FRA10AC1: variants seen among roughly 807,000 people sequenced by gnomAD.
FRA10AC1 encodes protein FRA10AC1.
FRA10AC1 carries 43 observed loss-of-function variants against 56.5 expected under a neutral mutation model. The observed-to-expected ratio is 0.76, with a 90% confidence interval of 0.60 to 0.98. The LOEUF (loss-of-function observed/expected upper bound fraction) is 0.98, where lower values mean the gene tolerates loss of function less well. Among genes scored for constraint, FRA10AC1 ranks in the 50% least tolerant of loss-of-function variants. FRA10AC1 has a pLI of 0.00. For synonymous variants in FRA10AC1, 112 were observed against 110.5 expected (o/e 1.01, Z -0.09); for missense variants, 346 against 351.8 (o/e 0.98, Z 0.13).
intron 5 of FRA10AC1, 113 bp from the exon 6 acceptor site, chr10:93,692,842 T>G: frequency 3.5e-6 from 2 of 567,714 alleles, no homozygotes. Flanking sequence ...ATGAAGATAG[T>G]TTTTTGGTGA....
At position 93,693,687 on chromosome 10, in the gene FRA10AC1, T is replaced by C. The variant is rs954057414; in HGVS notation, c.297-958A>G. Among the ~76,000 whole-genome samples the C allele has an allele frequency of 5.4e-4, 70 of 130,526 alleles. 2 individuals carry two copies. The highest frequency in any genetic ancestry group is 1.6e-3 in the African/African-American group (63 of 38,690). 85.6% of individuals were successfully genotyped at this position (130,526 alleles called of 152,430 possible). The stretch of plus-strand genomic sequence containing the variant: ...TATATATACACCATATATATATATA[T>C]ATACCATATATATATACACACACCA... On this transcript the variant is annotated intron_variant, in intron 5 of 13. Coordinates refer to ENST00000359204, the MANE Select transcript of FRA10AC1 (RefSeq NM_145246.5).
chr10:93,692,598 A>C, intron 6 of FRA10AC1, 48 bp downstream of exon 6: 1 of 1,196,906 alleles, frequency 8.4e-7, no homozygotes, highest in African/African-American at 1.5e-5. Flanking sequence ...AAAACAGGAG[A>C]AACAGGACTA....
intron 11 of FRA10AC1, among the ~76,000 whole-genome samples, chr10:93,677,539 T>C (rs2058863387): frequency 6.6e-6 from 1 of 152,208 alleles, no homozygotes; most frequent in Admixed American, 6.5e-5. Context: ...AGGCTTAATT[T>C]GGAGGCCCAA....
Position 93,676,658 on chromosome 10 carries a change from A to G in FRA10AC1, c.821T>C (p.Leu274Pro), listed in dbSNP as rs767124356. ...AATAAACACTTGTTACTTACTAAGT[A>G]GAGAATCTTCAGATTTCTTTGAAGA... The part of the protein sequence containing the change: ...HSSSKKSEDS[L>P]LRNSDEEESA... The change falls in exon 12 of 14, where the codon CTA becomes CCA. Residue 274 changes from leucine (L) to proline (P), a missense_variant. Transcript: ENST00000359204. 2 of 1,563,938 alleles carry G rather than the reference A, an allele frequency of 1.3e-6. No individual in the cohort carries two copies. Among genetic ancestry groups the G allele is most frequent in the East Asian group, 2.3e-5 (1 of 42,860 alleles).
intron 12 of FRA10AC1, 148 bp from the exon 13 acceptor site, chr10:93,670,996 A>C (rs2058752149): frequency 7.0e-6 from 4 of 574,482 alleles, no homozygotes; most frequent in East Asian, 2.9e-5. Flanking sequence ...AGGTACAATA[A>C]ATTCTTTTAA....
In FRA10AC1 at chr10:93,687,393, TA is replaced by T; in HGVS notation, c.511+10del. ...TTATCCTATTAAAAAGTAAAAATTT[TA>T]AAGAATTACCTTTTCCTGAAATTAC... On this transcript the variant is annotated intron_variant, in intron 8 of 13. Transcript: ENST00000359204. The T allele has an allele frequency of 6.7e-7, 1 of 1,489,860 alleles. No homozygotes were observed. The allele number at this position is 1,489,860 out of a possible 1,614,324, so 92.3% of individuals were successfully genotyped here.
intron 4 of FRA10AC1, among the ~76,000 whole-genome samples, chr10:93,696,329 C>T (rs1326738297): frequency 6.6e-6 from 1 of 152,154 alleles, no homozygotes; most frequent in Non-Finnish European, 1.5e-5. Flanking sequence ...TTCTCTCTAA[C>T]CAAATGACCA....
At chr10:93,693,857 A>G (rs937684615) in intron 5 of FRA10AC1, among the ~76,000 whole-genome samples, 1 of 151,790 alleles carries the variant, frequency 6.6e-6, no homozygotes, top group Non-Finnish European at 1.5e-5. Flanking sequence ...TCTCATTTAT[A>G]TGTGGGAGCT....
At chr10:93,678,526 C>A (rs2058879917) in intron 11 of FRA10AC1, among the ~76,000 whole-genome samples, 1 of 152,086 alleles carries the variant, frequency 6.6e-6, no homozygotes, top group Admixed American at 6.6e-5. Context: ...TGAGAAGGAA[C>A]TTCAGTTAAA....
At chr10:93,698,218 T>C in intron 3 of FRA10AC1, 37 bp from the exon 4 acceptor site, 1 of 1,519,892 alleles carries the variant, frequency 6.6e-7, no homozygotes, top group Non-Finnish European at 9.0e-7. Context: ...ATTCAAAATG[T>C]TTATATTCAA....
At chr10:93,701,462 T>C (rs1363999049) in intron 1 of FRA10AC1, among the ~76,000 whole-genome samples, 2 of 152,174 alleles carry the variant, frequency 1.3e-5, no homozygotes, top group Non-Finnish European at 2.9e-5. Context: ...TTAAATAAGA[T>C]AGCTACATGA....
rs2058729293 is a variant in FRA10AC1 at position 93,669,636 on chromosome 10, G to GA, written c.*189dup. 1 of 564,962 alleles carries GA rather than the reference G, an allele frequency of 1.8e-6. No homozygotes were observed. The highest frequency in any genetic ancestry group is 2.0e-5 in the African/African-American group (1 of 51,098). 35.0% of individuals were successfully genotyped at this position (564,962 alleles called of 1,614,324 possible). On this transcript the variant is annotated 3_prime_UTR_variant, in exon 14 of 14. Transcript: ENST00000359204. ...AATTGAAAAGATATTTAAAGGACAGGAAAGTCTTTAATTGAACTAATGAAC... is the reference window on the plus strand; with the variant it reads ...AATTGAAAAGATATTTAAAGGACAGGAAAAGTCTTTAATTGAACTAATGAAC...
rs1418867809 is a variant in FRA10AC1 at position 93,693,480 on chromosome 10, GTGTATATATATA to G, written c.297-763_297-752del. The stretch of plus-strand genomic sequence containing the variant: ...AGTGGATAAAGAAAATGTGGTGTGT[GTGTATATATATA>G]TATATATATATATATACACCATATA... On this transcript the variant is annotated intron_variant, in intron 5 of 13. Coordinates refer to ENST00000359204, the MANE Select transcript of FRA10AC1 (RefSeq NM_145246.5). Among the ~76,000 whole-genome samples the G allele has an allele frequency of 1.3e-3, 26 of 19,760 alleles. 2 individuals are homozygous for G. Among genetic ancestry groups the G allele is most frequent in the Admixed American group, 4.5e-3 (7 of 1,552 alleles). The allele number at this position is 19,760 out of a possible 152,430, so 13.0% of individuals were successfully genotyped here.
chr10:93,694,723 A>T, intron 5 of FRA10AC1, 138 bp downstream of exon 5: 1 of 121,986 alleles, frequency 8.2e-6, no homozygotes, highest in Non-Finnish European at 1.7e-5. Flanking sequence ...TAAAAAAAAA[A>T]AAAAAAAAAA....
chr10:93,677,363 G>GAT (rs1183834956), intron 11 of FRA10AC1, among the ~76,000 whole-genome samples: 1 of 152,154 alleles, frequency 6.6e-6, no homozygotes, highest in Non-Finnish European at 1.5e-5. Flanking sequence ...AATGTTCCTG[G>GAT]ATAGGAGGCC....
intron 2 of FRA10AC1, 47 bp from the exon 3 acceptor site, chr10:93,698,443 T>C: frequency 3.6e-6 from 4 of 1,105,128 alleles, no homozygotes; most frequent in Non-Finnish European, 4.0e-6. Context: ...TCAAAGGTTA[T>C]TTTCTAATTC....
chr10:93,688,682 C>CA (rs2059072492), intron 7 of FRA10AC1, among the ~76,000 whole-genome samples: 1 of 151,952 alleles, frequency 6.6e-6, no homozygotes, highest in South Asian at 2.1e-4. Flanking sequence ...TAAAAGCAAA[C>CA]AAAAAATACA....
intron 4 of FRA10AC1, among the ~76,000 whole-genome samples, chr10:93,695,532 G>A (rs1056169717): frequency 6.6e-6 from 1 of 151,822 alleles, no homozygotes; most frequent in African/African-American, 2.4e-5. Flanking sequence ...AAATATATGA[G>A]CATTTTACTT....
intron 5 of FRA10AC1, among the ~76,000 whole-genome samples, chr10:93,693,049 T>C (rs1002391454): frequency 6.6e-6 from 1 of 151,778 alleles, no homozygotes; most frequent in Admixed American, 6.6e-5. Context: ...TGAATGAAAA[T>C]AAGTTTCATT....
Sources: allele counts gnomAD v4.1 joint callset (sites outside exome capture counted in the v4.1 genomes callset), GRCh38; gene constraint gnomAD v4.1.1; transcripts MANE v1.5; gene names NCBI Gene and HGNC (gene_info 2026-07-23, HGNC 2026-07-21).